SPTBN1: variants seen among roughly 807,000 people sequenced by gnomAD.
SPTBN1 encodes the protein spectrin beta chain, non-erythrocytic 1.
A neutral mutation model predicts 266.4 loss-of-function variants in SPTBN1; 32 were observed. The ratio of observed to expected loss-of-function variants is 0.12; its 90% confidence interval spans 0.09 to 0.16. The LOEUF is 0.16. Among genes scored for constraint, SPTBN1 ranks in the 10% least tolerant of loss-of-function variants. The pLI is 1.00. For synonymous variants in SPTBN1, 1,336 were observed against 1,162.2 expected (o/e 1.15, Z -3.04); for missense variants, 2,296 against 3,067.1 (o/e 0.75, Z 5.94).
intron 6 of SPTBN1, 29 bp downstream of exon 6, chr2:54,617,717 C>G: frequency 6.2e-7 from 1 of 1,608,744 alleles, no homozygotes; most frequent in Non-Finnish European, 8.5e-7. Context: ...TCCTAGCAAT[C>G]GTGGGGTAAA....
chr2:54,620,748 A>G (rs1357784045), intron 7 of SPTBN1, among the ~76,000 whole-genome samples: 1 of 152,202 alleles, frequency 6.6e-6, no homozygotes, highest in Non-Finnish European at 1.5e-5. Flanking sequence ...CCTGGTGAAT[A>G]TTTGACAAAT....
chr2:54,585,117 C>G (rs1236329918), intron 2 of SPTBN1, among the ~76,000 whole-genome samples: 2 of 152,164 alleles, frequency 1.3e-5, no homozygotes, highest in African/African-American at 2.4e-5. Context: ...TTGTTCAAAA[C>G]TTTCCTTTTT....
intron 1 of SPTBN1, among the ~76,000 whole-genome samples, chr2:54,480,149 G>C (rs1285779262): frequency 1.3e-5 from 2 of 152,174 alleles, no homozygotes; most frequent in African/African-American, 4.8e-5. Context: ...GTGGCCCAGA[G>C]ATGGGTGCTG....
chr2:54,476,640 C>T lies in SPTBN1; in HGVS notation c.-48+20122C>T, dbSNP rs61412346. 1.1e-3 allele frequency among the ~76,000 whole-genome samples: 167 copies of T among 152,324 alleles called. 1 individual carries two copies. The East Asian group carries it at 0.029, about 26-fold the overall frequency. On this transcript the variant is annotated intron_variant, in intron 1 of 35. Transcript: ENST00000356805. ...TTTTCTTACTTTTCATAGCCTCTCT[C>T]GGATGCAGGTTTTGTTGAACATGCT...
chr2:54,458,518 A>G (rs1693190130), intron 1 of SPTBN1, among the ~76,000 whole-genome samples: 1 of 152,180 alleles, frequency 6.6e-6, no homozygotes, highest in Non-Finnish European at 1.5e-5. Flanking sequence ...TGACAGTAAC[A>G]CTGCGTTTGT....
In SPTBN1 at chr2:54,622,358, C is replaced by G. The variant is rs769441745; in HGVS notation, c.935C>G (p.Ser312Cys). The G allele has an allele frequency of 4.3e-6, 7 of 1,614,122 alleles. No homozygotes were observed. Among genetic ancestry groups the G allele is most frequent in the Non-Finnish European group, 5.9e-6 (7 of 1,180,046 alleles). The change falls in exon 9 of 36, where the codon TCT becomes TGT. Residue 312 changes from serine (S) to cysteine (C), a missense_variant. This residue lies in a region of SPTBN1 where 148 missense variants were observed against 203.8 expected (regional missense o/e 0.73). Coordinates refer to ENST00000356805, the MANE Select transcript of SPTBN1 (RefSeq NM_003128.3). ...KMIEKYESLA[S>C]DLLEWIEQTI... is the part of the protein sequence containing the mutation. Reference sequence around the variant, plus strand: ...ATTGAAAAGTATGAATCACTTGCCTCTGACCTTCTGGAATGGATTGAACAA... The same window carrying G: ...ATTGAAAAGTATGAATCACTTGCCTGTGACCTTCTGGAATGGATTGAACAA...
chr2:54,656,274 T>C lies in SPTBN1; in HGVS notation c.6046+276T>C, dbSNP rs1299067901. Among the ~76,000 whole-genome samples, 2 of 152,200 alleles carry C rather than the reference T, an allele frequency of 1.3e-5. 1 individual carries two copies. Among genetic ancestry groups the C allele is most frequent in the South Asian group, 4.1e-4 (2 of 4,826 alleles). On this transcript the variant is annotated intron_variant, in intron 29 of 35. Coordinates refer to ENST00000356805, the MANE Select transcript of SPTBN1 (RefSeq NM_003128.3). ...GGGCACCTCCCTGGGAGAATACAGA[T>C]AGAAGCCCTCTCCCCCATTTGTCTT...
intron 1 of SPTBN1, among the ~76,000 whole-genome samples, chr2:54,467,861 AATC>A (rs916742721): frequency 2.6e-5 from 4 of 152,188 alleles, no homozygotes; most frequent in East Asian, 3.8e-4. Flanking sequence ...GTTAGTATAA[AATC>A]ATCATAACAA....
In SPTBN1 at chr2:54,558,148, C is replaced by T. The variant is rs756455533; in HGVS notation, c.148+31582C>T. On this transcript the variant is annotated intron_variant, in intron 2 of 35. Transcript: ENST00000356805. The surrounding 1 kb of genome is among the most constrained non-coding windows in gnomAD (Gnocchi z 4.6). ...TCCAGCAGCTCTGTTTGGGAAGGCA[C>T]TACCGCGGCGAGTCCAGGGCCCGGC... 1 of 985,300 alleles carries T rather than the reference C, an allele frequency of 1.0e-6. No individual in the cohort carries two copies. Among genetic ancestry groups the T allele is most frequent in the Non-Finnish European group, 1.2e-6 (1 of 829,918 alleles). The allele number at this position is 985,300 out of a possible 1,614,324, so 61.0% of individuals were successfully genotyped here.
At chr2:54,617,322 C>A (rs1185912144) in intron 5 of SPTBN1, among the ~76,000 whole-genome samples, 1 of 152,200 alleles carries the variant, frequency 6.6e-6, no homozygotes, top group Non-Finnish European at 1.5e-5. Flanking sequence ...AGGTTGTCGT[C>A]ACTTTTTCCT....
chr2:54,614,437 A>G (rs1677445774), intron 4 of SPTBN1, among the ~76,000 whole-genome samples: 1 of 152,180 alleles, frequency 6.6e-6, no homozygotes, highest in Non-Finnish European at 1.5e-5. Context: ...GATATGGCCT[A>G]CCCTATATGT....
chr2:54,557,531 A>T (rs1672956892), intron 2 of SPTBN1, among the ~76,000 whole-genome samples: 1 of 152,044 alleles, frequency 6.6e-6, no homozygotes, highest in Admixed American at 6.6e-5. Context: ...GGAAGGAGAG[A>T]TTTAAAATTT....
chr2:54,640,265 C>T (rs149070900), intron 18 of SPTBN1, among the ~76,000 whole-genome samples: 3 of 152,190 alleles, frequency 2.0e-5, no homozygotes, highest in African/African-American at 7.2e-5. Flanking sequence ...ACTCAGAGGT[C>T]AAATTTAATA....
intron 2 of SPTBN1, among the ~76,000 whole-genome samples, chr2:54,574,332 C>G (rs1302478948): frequency 6.6e-6 from 1 of 152,164 alleles, no homozygotes; most frequent in Non-Finnish European, 1.5e-5. Flanking sequence ...CACGCCCTAG[C>G]ATTAAACCAT....
intron 18 of SPTBN1, 69 bp from the exon 19 acceptor site, chr2:54,642,913 AC>A: frequency 6.4e-7 from 1 of 1,561,552 alleles, no homozygotes; most frequent in Non-Finnish European, 8.7e-7. Context: ...CATAAACACA[AC>A]CCTTTCCAGG....
At position 54,476,347 on chromosome 2, in the gene SPTBN1, C is replaced by G. The variant is rs143401333; in HGVS notation, c.-48+19829C>G. On this transcript the variant is annotated intron_variant, in intron 1 of 35. Coordinates refer to ENST00000356805, the MANE Select transcript of SPTBN1 (RefSeq NM_003128.3). ...GGGTATGTGTGATCATTAAAAGTTT[C>G]TAACTAAACATAGATAACAGAGTAG... Among the ~76,000 whole-genome samples the G allele has an allele frequency of 3.0e-4, 45 of 152,310 alleles. No individual in the cohort carries two copies. In the South Asian group the frequency reaches 4.6e-3, roughly 15 times the overall value.
intron 24 of SPTBN1, 26 bp downstream of exon 24, chr2:54,647,287 A>G: frequency 6.2e-7 from 1 of 1,610,784 alleles, no homozygotes; most frequent in East Asian, 2.2e-5. Flanking sequence ...TGAGTGTGAG[A>G]CCCGGCTCTC....
Position 54,645,026 on chromosome 2 carries a change from T to C in SPTBN1, c.4270-203T>C. 1 of 598,910 alleles carries C rather than the reference T, an allele frequency of 1.7e-6. No homozygotes were observed. Among genetic ancestry groups the C allele is most frequent in the Non-Finnish European group, 2.9e-6 (1 of 340,316 alleles). The allele number at this position is 598,910 out of a possible 1,614,324, so 37.1% of individuals were successfully genotyped here. On this transcript the variant is annotated intron_variant, in intron 20 of 35. Transcript: ENST00000356805. The surrounding 1 kb of genome is among the most constrained non-coding windows in gnomAD (Gnocchi z 4.3). The stretch of plus-strand genomic sequence containing the variant: ...TTTATATTATATCACCGTAGAGGGC[T>C]TTAAGGGCAAATGAATTTACCTCAG...
At chr2:54,521,571 T>G (rs1183622764) in intron 1 of SPTBN1, among the ~76,000 whole-genome samples, 2 of 152,170 alleles carry the variant, frequency 1.3e-5, no homozygotes, top group Non-Finnish European at 2.9e-5. Context: ...TGGAGTGCAG[T>G]GACACGATCA....
Sources: allele counts gnomAD v4.1 joint callset (sites outside exome capture counted in the v4.1 genomes callset), GRCh38; gene constraint gnomAD v4.1.1; regional missense constraint gnomAD v4.1.1; non-coding constraint Gnocchi (gnomAD v3.1); transcripts MANE v1.5; gene names NCBI Gene and HGNC (gene_info 2026-07-23, HGNC 2026-07-21).